Variants in MYO1C observed in about 807,000 individuals in gnomAD.
MYO1C encodes myosin IC, also known as unconventional myosin-Ic.
Under a neutral mutation model 150.8 loss-of-function variants are expected in MYO1C, and 104 were observed. That is an observed-to-expected ratio of 0.69 (90% CI 0.59 to 0.81). The LOEUF (loss-of-function observed/expected upper bound fraction) is 0.81, where lower values mean the gene tolerates loss of function less well. MYO1C is among the 30% of genes least tolerant of loss of function. The probability of loss-of-function intolerance (pLI) is 0.00; values close to 1 mark genes in which losing one functional copy is unlikely to be tolerated. For synonymous variants in MYO1C, 663 were observed against 579.9 expected, an observed-to-expected ratio of 1.14 and a Z score of -2.06; for missense variants, 1,504 against 1,435.0, an observed-to-expected ratio of 1.05 and a Z score of -0.78.
At position 1,472,103 on chromosome 17, in the gene MYO1C, C is replaced by T. The variant is rs1159719621; in HGVS notation, c.1903+20G>A. On this transcript the variant is annotated intron_variant, in intron 18 of 31. Transcript: ENST00000648651. ...TGCAGGGGAGGCCCGGCCCCGAAGT[C>T]CCCCGTGGGAGGGGCCTACCGGGCT... is the stretch of plus-strand genomic sequence containing the variant. The T allele has an allele frequency of 1.2e-6, 2 of 1,613,730 alleles. No homozygotes were observed. Among genetic ancestry groups the T allele is most frequent in the South Asian group, 1.1e-5 (1 of 91,078 alleles).
chr17:1,485,398 C>G (rs998351896), intron 1 of MYO1C: 19 of 1,036,260 alleles, frequency 1.8e-5, no homozygotes, highest in African/African-American at 6.9e-5. Flanking sequence ...CTCACCGCCC[C>G]GCTCCAATCC....
At chr17:1,488,042 G>A (rs1343131135) in intron 1 of MYO1C, among the ~76,000 whole-genome samples, 1 of 152,172 alleles carries the variant, frequency 6.6e-6, no homozygotes, top group Non-Finnish European at 1.5e-5. Flanking sequence ...CCTCCCGGAA[G>A]CTCAGCTCTC....
At chr17:1,467,718 T>C in intron 29 of MYO1C, 122 bp downstream of exon 29, 1 of 506,378 alleles carries the variant, frequency 2.0e-6, no homozygotes, top group East Asian at 4.9e-5. Flanking sequence ...GACCCCCCAA[T>C]CTACCCCCAT....
Position 1,467,586 on chromosome 17 carries a change from C to T in MYO1C, c.2968-9G>A, listed in dbSNP as rs1184433634. 1 of 1,611,708 alleles carries T rather than the reference C, an allele frequency of 6.2e-7. No individual in the cohort carries two copies. Among genetic ancestry groups the T allele is most frequent in the East Asian group, 2.2e-5 (1 of 44,862 alleles). On this transcript the variant is annotated splice_polypyrimidine_tract_variant and intron_variant, in intron 29 of 31. Transcript: ENST00000648651. ...TGCAGCACCACATCTCCCTGGGGGG[C>T]CAGGCAGGAGGAGGGGTCAGGCCCT...
At chr17:1,468,209 G>A (rs2074221479) in intron 27 of MYO1C, 44 bp downstream of exon 27, 3 of 1,611,722 alleles carry the variant, frequency 1.9e-6, no homozygotes, top group Admixed American at 3.3e-5. Flanking sequence ...CTCTCAGGCA[G>A]TAGCACCGTG....
At chr17:1,482,723 T>TGGGCTTCTCTCCCTGCCCCTCCCCTCCC (rs1567531611) in intron 4 of MYO1C, 138 bp downstream of exon 4, 8 of 187,634 alleles carry the variant, frequency 4.3e-5, no homozygotes, top group Non-Finnish European at 7.2e-5. Flanking sequence ...CCTCCCCTCC[T>TGGGCTTCTCTCCCTGCCCCTCCCCTCCC]GCACTGGGCT....
At position 1,468,011 on chromosome 17, in the gene MYO1C, C is replaced by G; in HGVS notation, c.2873G>C (p.Arg958Thr). 1.2e-6 allele frequency: 2 copies of G among 1,612,834 alleles called. No homozygotes were observed. Among genetic ancestry groups the G allele is most frequent in the Non-Finnish European group, 1.7e-6 (2 of 1,179,842 alleles). ...VIVEDAKVKQ[R>T]IDYANLTGIS... ...ACCGGTCAGGTTGGCGTAATCAATCCTCTGCTTGACTTTGGCGTCCTCCAC... is the reference window on the plus strand; with the variant it reads ...ACCGGTCAGGTTGGCGTAATCAATCGTCTGCTTGACTTTGGCGTCCTCCAC... Residue 958 changes from arginine to threonine, a missense_variant, in exon 28 of 32, where the codon AGG becomes ACG. By Grantham distance (71) the Arg-to-Thr change is moderately conservative. Coordinates refer to ENST00000648651, the MANE Select transcript of MYO1C (RefSeq NM_001080779.2).
chr17:1,469,634 CAGAGGT>C lies in MYO1C; in HGVS notation c.2527-26_2527-21del, dbSNP rs1429125079. On this transcript the variant is annotated intron_variant, in intron 24 of 31. Coordinates refer to ENST00000648651, the MANE Select transcript of MYO1C (RefSeq NM_001080779.2). ...TGAGGCCTAAGGGGAGGAGTGAGGT[CAGAGGT>C]CCTGGACACCCTGGGCCCTTCCCTC... The C allele has an allele frequency of 6.3e-7, 1 of 1,589,364 alleles. No individual in the cohort carries two copies. Among genetic ancestry groups the C allele is most frequent in the Non-Finnish European group, 8.6e-7 (1 of 1,160,706 alleles).
chr17:1,475,140 G>T (rs1412593744), intron 14 of MYO1C, 108 bp from the exon 15 acceptor site: 2 of 1,107,960 alleles, frequency 1.8e-6, no homozygotes, highest in African/African-American at 3.1e-5. Flanking sequence ...TGCACCCCAG[G>T]CCGGGCACAG....
At chr17:1,468,550 G>T in intron 25 of MYO1C, 54 bp from the exon 26 acceptor site, 2 of 1,458,756 alleles carry the variant, frequency 1.4e-6, no homozygotes, top group South Asian at 1.1e-5. Context: ...ACCATCTTGG[G>T]GGGGCAGAGC....
rs747847563 is a variant in MYO1C, at chr17:1,467,989, G to C, written c.2895C>G (p.Thr965=). 1.2e-6 allele frequency: 2 copies of C among 1,612,724 alleles called. No homozygotes were observed. Among genetic ancestry groups the C allele is most frequent in the Non-Finnish European group, 8.5e-7 (1 of 1,179,814 alleles). The change falls in exon 28 of 32, where the codon ACC becomes ACG. Residue 965 remains threonine (T), a splice_region_variant and synonymous_variant. Coordinates refer to ENST00000648651, the MANE Select transcript of MYO1C (RefSeq NM_001080779.2). ...VKQRIDYANL[T]GISVSSLSDS... Reference sequence around the variant, plus strand: ...CTGCAGCCCTGGACCCTGGCTGACCGGTCAGGTTGGCGTAATCAATCCTCT... The same window carrying C: ...CTGCAGCCCTGGACCCTGGCTGACCCGTCAGGTTGGCGTAATCAATCCTCT...
Position 1,484,409 on chromosome 17 carries a change from C to T in MYO1C, c.76-106G>A, listed in dbSNP as rs113847656. 14,118 of 1,368,764 alleles carry T rather than the reference C, an allele frequency of 0.01. 103 individuals are homozygous for T. Among genetic ancestry groups the T allele is most frequent in the Non-Finnish European group, 0.013 (12,557 of 989,628 alleles). The allele number at this position is 1,368,764 out of a possible 1,614,324, so 84.8% of individuals were successfully genotyped here. On this transcript the variant is annotated intron_variant, in intron 1 of 31. Transcript: ENST00000648651. ...AGGGAACGTAGGGGCTTGTGGACTC[C>T]GGGCTAGACACGGGACATGAGCATG...
chr17:1,483,184 G>A (rs2150961276), intron 3 of MYO1C, 125 bp from the exon 4 acceptor site: 1 of 965,198 alleles, frequency 1.0e-6, no homozygotes, highest in East Asian at 2.6e-5. Context: ...GATGGGGACT[G>A]GGGGTCCCTC....
At chr17:1,469,341 C>T (rs1386333454) in intron 25 of MYO1C, 190 bp downstream of exon 25, 7 of 638,152 alleles carry the variant, frequency 1.1e-5, no homozygotes, top group Middle Eastern at 4.1e-4. Context: ...ATACGGTAGG[C>T]GGGGTAAATA....
At chr17:1,470,920 TGGACTCTCTGGAGAA>T in intron 21 of MYO1C, 136 bp downstream of exon 21, 1 of 994,672 alleles carries the variant, frequency 1.0e-6, no homozygotes, top group Non-Finnish European at 1.5e-6. Context: ...AGTCGGCCAT[TGGACTCTCTGGAGAA>T]GGACTCCCTG....
chr17:1,483,541 T>A, intron 3 of MYO1C, 69 bp downstream of exon 3: 1 of 1,119,032 alleles, frequency 8.9e-7, no homozygotes, highest in Non-Finnish European at 1.3e-6. Flanking sequence ...CAGAGTAAGG[T>A]AAGGGTTGGG....
intron 1 of MYO1C, chr17:1,485,314 A>C: frequency 9.3e-7 from 1 of 1,079,792 alleles, no homozygotes. Flanking sequence ...GTGGATCCCA[A>C]AGGGGCCGCC....
In MYO1C at chr17:1,470,317, A is replaced by AT; in HGVS notation, c.2383_2384insA (p.Val795AspfsTer48). 6.7e-7 allele frequency: 1 copy of AT among 1,490,348 alleles called. No homozygotes were observed. Among genetic ancestry groups the AT allele is most frequent in the Non-Finnish European group, 9.0e-7 (1 of 1,105,258 alleles). 92.3% of individuals were successfully genotyped at this position (1,490,348 alleles called of 1,614,324 possible). On this transcript the variant is annotated frameshift_variant, in exon 24 of 32. Coordinates refer to ENST00000648651, the MANE Select transcript of MYO1C (RefSeq NM_001080779.2). LOFTEE classifies it high-confidence loss of function. ...GGGGCAGCGGGGGGCGTGGCGCAGG[A>AT]CGAAGCCTCGGATGAGCCTGGGGTG...
Position 1,480,755 on chromosome 17 carries a change from C to G in MYO1C, c.758G>C (p.Arg253Pro). 1 of 1,614,148 alleles carries G rather than the reference C, an allele frequency of 6.2e-7. No homozygotes were observed. ...LLEGGEEETL[R>P]RLGLERNPQS... ...GGGGTTCCGTTCCAAGCCCAGCCTG[C>G]GAAGAGTCTCCTCCTCGCCCCCCTC... Residue 253 changes from arginine (R) to proline (P), a missense_variant, in exon 6 of 32, where the codon CGC becomes CCC. By Grantham distance (103) the Arg-to-Pro change is moderately radical. Transcript: ENST00000648651.
Sources: allele counts gnomAD v4.1 joint callset (sites outside exome capture counted in the v4.1 genomes callset), GRCh38; gene constraint gnomAD v4.1.1; transcripts MANE v1.5; gene names NCBI Gene and HGNC (gene_info 2026-07-23, HGNC 2026-07-21).